PRDM1: variants seen among roughly 807,000 people sequenced by gnomAD.
PRDM1 encodes PR domain zinc finger protein 1.
In PRDM1, 13 loss-of-function variants were observed where a neutral mutation model predicts 62.8. The ratio of observed to expected loss-of-function variants is 0.21; its 90% CI spans 0.13 to 0.33. The LOEUF (loss-of-function observed/expected upper bound fraction) is 0.33. PRDM1 is among the 10% of genes least tolerant of loss of function. PRDM1 has a pLI of 1.00. For missense variants in PRDM1, 895 were observed against 1,058.8 expected, an observed-to-expected ratio of 0.85 and a Z score of 2.15; for synonymous variants, 396 against 417.6, an observed-to-expected ratio of 0.95 and a Z score of 0.63.
intron 1 of PRDM1, among the ~76,000 whole-genome samples, chr6:106,008,786 A>G (rs1399686924): frequency 6.6e-6 from 1 of 152,166 alleles, no homozygotes; most frequent in Non-Finnish European, 1.5e-5. Flanking sequence ...TTTGTCTAAA[A>G]TAGATGCTTG....
chr6:106,002,586 T>TTAGAAA (rs1772439643), intron 1 of PRDM1, among the ~76,000 whole-genome samples: 3 of 152,234 alleles, frequency 2.0e-5, no homozygotes, highest in Non-Finnish European at 4.4e-5. Flanking sequence ...AAATGTATTC[T>TTAGAAA]GCTTTATACA....
intron 1 of PRDM1, among the ~76,000 whole-genome samples, chr6:106,066,817 C>T (rs769331110): frequency 2.6e-5 from 4 of 152,068 alleles, no homozygotes; most frequent in South Asian, 2.1e-4. Flanking sequence ...GTTATGGATC[C>T]GAGTATTTTC....
Position 106,106,506 on chromosome 6 carries a change from A to C in PRDM1, c.1902+7A>C. ...AAAGCCACATGAATGCCAGGTGCGC[A>C]GTATTTTCTGGGTAGACCTTCTGAC... On this transcript the variant is annotated splice_region_variant and intron_variant, in intron 6 of 6. Transcript: ENST00000369096. This position sits in a 1 kb window ranked among gnomAD's most constrained non-coding sequence, Gnocchi z 4.4. 4.3e-6 allele frequency: 7 copies of C among 1,614,098 alleles called. No homozygotes were observed. The highest frequency in any genetic ancestry group is 5.9e-6 in the Non-Finnish European group (7 of 1,179,982).
intron 1 of PRDM1, among the ~76,000 whole-genome samples, chr6:106,016,775 G>C (rs1372231231): frequency 6.6e-6 from 1 of 151,438 alleles, no homozygotes. Flanking sequence ...CAGCCCCCGA[G>C]TGTCTGTGAT....
chr6:106,086,589 G>A lies in PRDM1; in HGVS notation c.36G>A (p.Thr12=). 1 of 1,551,482 alleles carries A rather than the reference G, an allele frequency of 6.4e-7. No individual in the cohort carries two copies. Among genetic ancestry groups the A allele is most frequent in the Non-Finnish European group, 8.7e-7 (1 of 1,146,406 alleles). The change falls in exon 1 of 7, where the codon ACG becomes ACA. Residue 12 remains threonine (T), a synonymous_variant. Transcript: ENST00000369096. The stretch of plus-strand genomic sequence containing the variant: ...TTTGCTTGGAAAAACGTGTGGGTAC[G>A]ACCTTGGTAAGGAACTTGAATTTTT... ...LDICLEKRVG[T]TLAAPKCNSS...
chr6:106,106,817 C>G lies in PRDM1; in HGVS notation c.1903-94C>G. 7.3e-7 allele frequency: 1 copy of G among 1,363,014 alleles called. No individual in the cohort carries two copies. Among genetic ancestry groups the G allele is most frequent in the Non-Finnish European group, 1.0e-6 (1 of 994,812 alleles). The allele number at this position is 1,363,014 out of a possible 1,614,324, so 84.4% of individuals were successfully genotyped here. ...GCTTCTCACCTCCTAGGTTGCTGGG[C>G]GTTGGCCGGTAAGCCTGCCCCTCCC... On this transcript the variant is annotated intron_variant, in intron 6 of 6. Coordinates refer to ENST00000369096, the MANE Select transcript of PRDM1 (RefSeq NM_001198.4). This position sits in a 1 kb window ranked among gnomAD's most constrained non-coding sequence, Gnocchi z 4.4.
chr6:106,002,101 GTTGGGTTGCA>G (rs1315484823), intron 1 of PRDM1, among the ~76,000 whole-genome samples: 3 of 151,814 alleles, frequency 2.0e-5, no homozygotes, highest in African/African-American at 7.3e-5. Context: ...AAGCTGAAGT[GTTGGGTTGCA>G]AAAAAAAAAT....
chr6:106,032,842 A>T (rs1473335707), intron 1 of PRDM1, among the ~76,000 whole-genome samples: 1 of 152,188 alleles, frequency 6.6e-6, no homozygotes, highest in Non-Finnish European at 1.5e-5. Flanking sequence ...AATAGTTATC[A>T]ATTCTTGATT....
In PRDM1 at chr6:106,106,738, G is replaced by C. The variant is rs1411070113; in HGVS notation, c.1903-173G>C. On this transcript the variant is annotated intron_variant, in intron 6 of 6. Transcript: ENST00000369096. This position sits in a 1 kb window ranked among gnomAD's most constrained non-coding sequence, Gnocchi z 4.4. ...GGAAATAAACAGCCCCTCGTGTGCT[G>C]TGTGCCCACATCCCCCCGTTTGCTT... Among the ~76,000 whole-genome samples the C allele has an allele frequency of 6.6e-6, 1 of 152,168 alleles. No individual in the cohort carries two copies. Among genetic ancestry groups the C allele is most frequent in the Non-Finnish European group, 1.5e-5 (1 of 68,032 alleles).
At chr6:106,095,776 A>T in intron 3 of PRDM1, 42 bp downstream of exon 3, 2 of 1,606,124 alleles carry the variant, frequency 1.2e-6, no homozygotes. Flanking sequence ...AATGTTAGGA[A>T]AAAATGGAGC....
chr6:106,037,476 A>G (rs1772936923), intron 1 of PRDM1, among the ~76,000 whole-genome samples: 1 of 152,082 alleles, frequency 6.6e-6, no homozygotes, highest in South Asian at 2.1e-4. Context: ...TAAGATTCCC[A>G]TGATGATGAG....
At chr6:106,077,437 C>G (rs1773621574) in intron 1 of PRDM1, among the ~76,000 whole-genome samples, 1 of 152,158 alleles carries the variant, frequency 6.6e-6, no homozygotes. Flanking sequence ...GAGCCCAAGG[C>G]TCCCTGTTTT....
chr6:106,105,480 C>T lies in PRDM1; in HGVS notation c.1320C>T (p.Phe440=). ...ATGGCATCAACAACTTTGGCCTCTT[C>T]CCGAGGCTGTGCCCTGTCTACAGCA... ...SMNGINNFGL[F]PRLCPVYSNL... is the part of the protein sequence containing the mutation. The change falls in exon 5 of 7, where the codon TTC becomes TTT. Residue 440 remains phenylalanine, a synonymous_variant. Transcript: ENST00000369096. The T allele has an allele frequency of 6.2e-7, 1 of 1,614,140 alleles. No individual in the cohort carries two copies. The highest frequency in any genetic ancestry group is 2.2e-5 in the East Asian group (1 of 44,874).
At chr6:106,104,593 T>G (rs899351815) in intron 4 of PRDM1, among the ~76,000 whole-genome samples, 2 of 152,192 alleles carry the variant, frequency 1.3e-5, no homozygotes, top group Non-Finnish European at 2.9e-5. Context: ...AAGGCTGCTG[T>G]TTGTTCTGTC....
chr6:106,055,942 G>A (rs956030323), intron 1 of PRDM1, among the ~76,000 whole-genome samples: 2 of 152,116 alleles, frequency 1.3e-5, no homozygotes, highest in Admixed American at 1.3e-4. Context: ...TTGACTGAGA[G>A]TCCAAATCAA....
intron 3 of PRDM1, chr6:106,098,428 A>AC: frequency 3.0e-6 from 3 of 985,356 alleles, no homozygotes; most frequent in Non-Finnish European, 3.6e-6. Flanking sequence ...TCTAGGACAA[A>AC]CTTCAAATTC....
chr6:105,995,019 C>A (rs1772330776), intron 1 of PRDM1, among the ~76,000 whole-genome samples: 1 of 152,220 alleles, frequency 6.6e-6, no homozygotes, highest in South Asian at 2.1e-4. Flanking sequence ...CCGACGCCGT[C>A]GCAGCCGCGC....
At chr6:106,075,956 T>A (rs1403945848) in intron 1 of PRDM1, among the ~76,000 whole-genome samples, 32 of 96,396 alleles carry the variant, frequency 3.3e-4, no homozygotes, top group African/African-American at 1.4e-3. Flanking sequence ...AAAAAAAAAA[T>A]TTTTTTTTTT....
chr6:106,058,718 A>T (rs1773300571), intron 1 of PRDM1, among the ~76,000 whole-genome samples: 1 of 152,150 alleles, frequency 6.6e-6, no homozygotes, highest in Admixed American at 6.5e-5. Flanking sequence ...GATTACAGGC[A>T]TGCGCCACCA....
Sources: allele counts gnomAD v4.1 joint callset (sites outside exome capture counted in the v4.1 genomes callset), GRCh38; gene constraint gnomAD v4.1.1; non-coding constraint Gnocchi (gnomAD v3.1); transcripts MANE v1.5; gene names NCBI Gene and HGNC (gene_info 2026-07-23, HGNC 2026-07-21).